Variants in SMARCAD1 observed in about 807,000 individuals in gnomAD.
SMARCAD1 encodes the protein SNF2 related chromatin remodeling ATPase with DExD box 1.
In SMARCAD1, 25 loss-of-function variants were observed where a neutral mutation model predicts 127.1. That is an observed-to-expected ratio of 0.20 (90% CI 0.14 to 0.27). SMARCAD1 has a LOEUF of 0.27. Ranked by LOEUF, SMARCAD1 falls within the 10% of genes least tolerant of loss-of-function variation. The pLI is 1.00. For synonymous variants in SMARCAD1, 400 were observed against 396.9 expected (o/e 1.01, Z -0.09); for missense variants, 807 against 1,206.0 (o/e 0.67, Z 4.90).
chr4:94,219,885 C>G (rs1392676493), intron 2 of SMARCAD1, among the ~76,000 whole-genome samples: 2 of 152,112 alleles, frequency 1.3e-5, no homozygotes, highest in African/African-American at 4.8e-5. Context: ...TTTAATATCC[C>G]CCACCTGGTA....
intron 2 of SMARCAD1, among the ~76,000 whole-genome samples, chr4:94,214,556 G>A (rs10022504): frequency 0.14 from 21,940 of 151,858 alleles, 1,796 homozygotes; most frequent in Non-Finnish European, 0.19. Context: ...ATGAGCCACC[G>A]CACCTGGCCA....
chr4:94,261,063 T>C (rs143032483), intron 9 of SMARCAD1, among the ~76,000 whole-genome samples: 1 of 152,210 alleles, frequency 6.6e-6, no homozygotes, highest in African/African-American at 2.4e-5. Context: ...GATCACAATA[T>C]GCTAATTTTT....
In SMARCAD1 at chr4:94,291,163, G is replaced by C. The variant is rs1225138810; in HGVS notation, c.*1629G>C. The C allele has an allele frequency of 2.2e-6, 1 of 453,416 alleles. No individual in the cohort carries two copies. The allele number at this position is 453,416 out of a possible 1,614,324, so 28.1% of individuals were successfully genotyped here. A position where few individuals can be genotyped will look rare whatever the true frequency, so the allele number is the denominator to read the frequency against. On this transcript the variant is annotated 3_prime_UTR_variant, in exon 24 of 24. Transcript: ENST00000354268. ...TGTATTAATGTATTTTCAATGATAG[G>C]CTGTTTCTTTTTTTGTTGTTATTGT...
intron 2 of SMARCAD1, chr4:94,213,039 T>A: frequency 7.8e-7 from 1 of 1,274,758 alleles, no homozygotes; most frequent in Non-Finnish European, 1.0e-6. Context: ...GTACAGTGAG[T>A]TTGGAGGGAT....
chr4:94,249,232 TA>T (rs1748911823), intron 6 of SMARCAD1, among the ~76,000 whole-genome samples: 1 of 152,146 alleles, frequency 6.6e-6, no homozygotes, highest in African/African-American at 2.4e-5. Flanking sequence ...GAAGTAAAAG[TA>T]AACTCTTCTC....
At position 94,208,377 on chromosome 4, in the gene SMARCAD1, G is replaced by T; in HGVS notation, c.-18G>T. ...CATTTAAAGCCCCCATCCCTGCAAG[G>T]TGGTGCTTTCTACCAATATGAATCT... On this transcript the variant is annotated 5_prime_UTR_variant, in exon 2 of 24. Transcript: ENST00000354268. 1 of 1,613,252 alleles carries T rather than the reference G, an allele frequency of 6.2e-7. No homozygotes were observed.
intron 10 of SMARCAD1, 90 bp downstream of exon 10, chr4:94,264,996 T>C (rs1349693821): frequency 5.6e-6 from 7 of 1,255,000 alleles, no homozygotes; most frequent in Admixed American, 2.0e-5. Flanking sequence ...GAAAGTGATA[T>C]GGCAACTAGT....
intron 9 of SMARCAD1, among the ~76,000 whole-genome samples, chr4:94,255,801 A>G (rs936599669): frequency 6.6e-6 from 1 of 151,994 alleles, no homozygotes; most frequent in Non-Finnish European, 1.5e-5. Context: ...ATAATCATTT[A>G]TTAGTCAAAA....
chr4:94,273,738 T>C (rs995897390), intron 12 of SMARCAD1, 22 bp downstream of exon 12: 4 of 1,553,276 alleles, frequency 2.6e-6, no homozygotes, highest in African/African-American at 2.7e-5. Context: ...TGGAGACAAC[T>C]GTATTTAACT....
intron 23 of SMARCAD1, among the ~76,000 whole-genome samples, chr4:94,287,273 C>G (rs948023697): frequency 1.3e-5 from 2 of 152,134 alleles, no homozygotes; most frequent in Non-Finnish European, 2.9e-5. Flanking sequence ...AGCTGTGTCC[C>G]GGGTTTCATT....
In SMARCAD1 at chr4:94,290,445, T is replaced by C. The variant is rs1192112146; in HGVS notation, c.*911T>C. The C allele has an allele frequency of 5.1e-5, 23 of 454,506 alleles. No individual in the cohort carries two copies. The highest frequency in any genetic ancestry group is 6.9e-4 in the Middle Eastern group (1 of 1,444). The allele number at this position is 454,506 out of a possible 1,614,324, so 28.2% of individuals were successfully genotyped here. A position where few individuals can be genotyped will look rare whatever the true frequency, so the allele number is the denominator to read the frequency against. Reference sequence around the variant, plus strand: ...TTTCTAGCCTGGCAGAACAGATTACTTAAAGCTATTTCATTTCAAAGCAGA... The same window carrying C: ...TTTCTAGCCTGGCAGAACAGATTACCTAAAGCTATTTCATTTCAAAGCAGA... On this transcript the variant is annotated 3_prime_UTR_variant, in exon 24 of 24. Transcript: ENST00000354268.
chr4:94,257,359 A>G (rs2125929251), intron 9 of SMARCAD1, among the ~76,000 whole-genome samples: 1 of 152,316 alleles, frequency 6.6e-6, no homozygotes, highest in South Asian at 2.1e-4. Flanking sequence ...ATACATTTGT[A>G]TACTTCATAC....
intron 2 of SMARCAD1, among the ~76,000 whole-genome samples, chr4:94,213,390 G>C (rs1363314956): frequency 6.6e-6 from 1 of 152,086 alleles, no homozygotes; most frequent in African/African-American, 2.4e-5. Context: ...GCCTCCAAGA[G>C]TCTAATATGT....
intron 2 of SMARCAD1, among the ~76,000 whole-genome samples, chr4:94,211,153 T>A (rs1301215812): frequency 6.6e-6 from 1 of 151,874 alleles, no homozygotes; most frequent in African/African-American, 2.4e-5. Context: ...ATGCCTGTAA[T>A]CCCAGCTACT....
chr4:94,208,485 G>C lies in SMARCAD1; in HGVS notation c.91G>C (p.Gly31Arg). Residue 31 changes from glycine to arginine, a missense_variant, in exon 2 of 24, where the codon GGC becomes CGC. By Grantham distance (125) the Gly-to-Arg change is moderately radical (BLOSUM62 -2). Coordinates refer to ENST00000354268, the MANE Select transcript of SMARCAD1 (RefSeq NM_020159.5). ...PEATPQPSQP[G>R]PSSPISLSAE... Reference sequence around the variant, plus strand: ...AGCAACCCCTCAACCTTCCCAGCCTGGCCCTTCTTCACCAATTTCTCTTAG... The same window carrying C: ...AGCAACCCCTCAACCTTCCCAGCCTCGCCCTTCTTCACCAATTTCTCTTAG... 1 of 1,614,082 alleles carries C rather than the reference G, an allele frequency of 6.2e-7. No homozygotes were observed. The highest frequency in any genetic ancestry group is 8.5e-7 in the Non-Finnish European group (1 of 1,180,014).
chr4:94,268,989 A>G (rs372555643), intron 10 of SMARCAD1, among the ~76,000 whole-genome samples: 34 of 152,302 alleles, frequency 2.2e-4, no homozygotes, highest in African/African-American at 7.9e-4. Context: ...GAAAGCAAAG[A>G]CCTTTTTTAA....
At chr4:94,224,468 C>T (rs529772234) in intron 2 of SMARCAD1, among the ~76,000 whole-genome samples, 13 of 152,268 alleles carry the variant, frequency 8.5e-5, no homozygotes, top group African/African-American at 3.1e-4. Context: ...ATCTGTATTT[C>T]ACATACACCA....
At chr4:94,217,919 C>T (rs1282388858) in intron 2 of SMARCAD1, among the ~76,000 whole-genome samples, 2 of 152,152 alleles carry the variant, frequency 1.3e-5, no homozygotes, top group Non-Finnish European at 2.9e-5. Flanking sequence ...CTTTCAGTTA[C>T]ACTTGCAAAT....
intron 15 of SMARCAD1, 69 bp downstream of exon 15, chr4:94,276,543 T>G: frequency 1.3e-6 from 2 of 1,543,010 alleles, no homozygotes; most frequent in Non-Finnish European, 1.8e-6. Context: ...ATATATGTAG[T>G]ATTTATTAGC....
Sources: gnomAD v4.1 joint callset for allele counts (sites outside exome capture counted in the v4.1 genomes callset) on GRCh38, gnomAD v4.1.1 for gene constraint, MANE v1.5 for transcripts, NCBI Gene and HGNC (gene_info 2026-07-23, HGNC 2026-07-21) for gene names.